Variants in NUP98 observed in about 807,000 individuals in gnomAD.
The protein encoded by NUP98 is nucleoporin 98 and 96 precursor, also known as nuclear pore complex protein Nup98-Nup96.
NUP98 carries 26 observed loss-of-function variants against 191.9 expected under a neutral mutation model. The ratio of observed to expected loss-of-function variants is 0.14; its 90% CI spans 0.10 to 0.19. The LOEUF is 0.19. Among genes scored for constraint, NUP98 ranks in the 10% least tolerant of loss-of-function variants. The pLI is 1.00. For synonymous variants in NUP98, 808 were observed against 778.4 expected (o/e 1.04, Z -0.63); for missense variants, 1,941 against 2,178.8 (o/e 0.89, Z 2.17).
intron 20 of NUP98, chr11:3,712,096 G>A (rs2079037133): frequency 9.5e-7 from 1 of 1,052,440 alleles, no homozygotes; most frequent in African/African-American, 1.7e-5. Flanking sequence ...AAATATCAAG[G>A]TTACCCGAAG....
chr11:3,725,680 T>C (rs932569712), intron 14 of NUP98, among the ~76,000 whole-genome samples: 26 of 152,266 alleles, frequency 1.7e-4, no homozygotes, highest in African/African-American at 6.3e-4. Flanking sequence ...TAAAAAGTTT[T>C]TTCTTTTTAC....
intron 14 of NUP98, among the ~76,000 whole-genome samples, chr11:3,730,643 T>A (rs551343103): frequency 1.3e-5 from 2 of 152,096 alleles, no homozygotes; most frequent in East Asian, 3.9e-4. Flanking sequence ...GGATTACAGG[T>A]GTGAGCCACC....
chr11:3,755,017 T>C (rs2080910557), intron 10 of NUP98, among the ~76,000 whole-genome samples: 1 of 152,056 alleles, frequency 6.6e-6, no homozygotes, highest in Non-Finnish European at 1.5e-5. Context: ...TTACTTTTCT[T>C]TTCTTCATCT....
In NUP98 at chr11:3,765,801, C is replaced by CAAAA. The variant is rs368424606; in HGVS notation, c.949-2766_949-2763dup. Among the ~76,000 whole-genome samples, 705 of 115,270 alleles carry CAAAA rather than the reference C, an allele frequency of 6.1e-3. 5 individuals are homozygous for CAAAA. The highest frequency in any genetic ancestry group is 9.1e-3 in the Admixed American group (98 of 10,714). 75.6% of individuals were successfully genotyped at this position (115,270 alleles called of 152,430 possible). Reference sequence around the variant, plus strand: ...GGGCAATTAGAACAAGACTCTGTCTCAAAAAAAAAAAAAAAAAAATTGATC... The same window carrying CAAAA: ...GGGCAATTAGAACAAGACTCTGTCTCAAAAAAAAAAAAAAAAAAAAAAATTGATC... On this transcript the variant is annotated intron_variant, in intron 8 of 32. Coordinates refer to ENST00000324932, the MANE Select transcript of NUP98 (RefSeq NM_016320.5).
chr11:3,770,142 C>T (rs1423671794), intron 7 of NUP98, among the ~76,000 whole-genome samples: 1 of 151,488 alleles, frequency 6.6e-6, no homozygotes. Context: ...GTCAGGGGTT[C>T]GAGACCAGCC....
intron 10 of NUP98, among the ~76,000 whole-genome samples, chr11:3,755,298 G>GA (rs34400646): frequency 0.29 from 39,880 of 136,564 alleles, 5,470 homozygotes; most frequent in Admixed American, 0.32. Flanking sequence ...CTACTACCAC[G>GA]AAAAAAAAAA....
rs114947947 is a variant in NUP98, at chr11:3,688,090, C to A, written c.4455-1896G>T. On this transcript the variant is annotated intron_variant, in intron 28 of 32. Coordinates refer to ENST00000324932, the MANE Select transcript of NUP98 (RefSeq NM_016320.5). ...TGTGAATGGACTTAATGCCACTGAA[C>A]AGTATGCTTAAAATGGTTAAAACAG... is the stretch of plus-strand genomic sequence containing the variant. Among the ~76,000 whole-genome samples, 1,349 of 150,332 alleles carry A rather than the reference C, an allele frequency of 9.0e-3. 16 individuals carry two copies. Among genetic ancestry groups the A allele is most frequent in the African/African-American group, 0.032 (1,296 of 40,912 alleles).
At chr11:3,689,302 A>G (rs892228211) in intron 28 of NUP98, among the ~76,000 whole-genome samples, 1 of 152,086 alleles carries the variant, frequency 6.6e-6, no homozygotes, top group African/African-American at 2.4e-5. Flanking sequence ...TGAGGTGGGC[A>G]GATCACGAGG....
At chr11:3,718,723 A>AG (rs1373001632) in intron 18 of NUP98, among the ~76,000 whole-genome samples, 13 of 151,756 alleles carry the variant, frequency 8.6e-5, no homozygotes, top group Non-Finnish European at 3.0e-5. Context: ...ATTAGAAGCT[A>AG]GGATCTCACA....
chr11:3,729,266 G>A (rs141816270), intron 14 of NUP98, among the ~76,000 whole-genome samples: 5 of 152,048 alleles, frequency 3.3e-5, no homozygotes, highest in African/African-American at 7.2e-5. Context: ...ATTTACAGAC[G>A]GTGGAATGAA....
At chr11:3,722,303 A>G (rs1278922808) in intron 16 of NUP98, among the ~76,000 whole-genome samples, 13 of 151,704 alleles carry the variant, frequency 8.6e-5, no homozygotes, top group East Asian at 1.9e-4. Context: ...TATTGTAGAT[A>G]TCAGGTCTTG....
At chr11:3,743,646 CAAAAAAAAAAA>C (rs34382341) in intron 12 of NUP98, among the ~76,000 whole-genome samples, 1 of 49,422 alleles carries the variant, frequency 2.0e-5, no homozygotes, top group Non-Finnish European at 4.3e-5. Flanking sequence ...AACTCCATCT[CAAAAAAAAAAA>C]AAAAAAAAAG....
At chr11:3,753,052 C>T in intron 11 of NUP98, among the ~76,000 whole-genome samples, 1 of 152,186 alleles carries the variant, frequency 6.6e-6, no homozygotes, top group East Asian at 1.9e-4. Context: ...ACAATTCTCA[C>T]ATTAAATACT....
chr11:3,758,720 G>A (rs993411848), intron 10 of NUP98, among the ~76,000 whole-genome samples: 41 of 152,274 alleles, frequency 2.7e-4, no homozygotes, highest in African/African-American at 9.9e-4. Context: ...GGGAGGTGGA[G>A]GTTGCAGTGA....
chr11:3,763,133 C>T (rs2081230030), intron 8 of NUP98, 94 bp from the exon 9 acceptor site: 4 of 1,167,660 alleles, frequency 3.4e-6, no homozygotes, highest in East Asian at 2.4e-5. Context: ...TTTTTTCAAG[C>T]TTATATGACA....
At chr11:3,760,943 T>C (rs2081144070) in intron 9 of NUP98, among the ~76,000 whole-genome samples, 1 of 152,204 alleles carries the variant, frequency 6.6e-6, no homozygotes, top group Admixed American at 6.5e-5. Flanking sequence ...AAATATCTTT[T>C]TACCTGTTAA....
At chr11:3,726,483 T>A (rs1171143460) in intron 14 of NUP98, among the ~76,000 whole-genome samples, 1 of 150,148 alleles carries the variant, frequency 6.7e-6, no homozygotes, top group Admixed American at 6.6e-5. Context: ...AAGTCAATGT[T>A]GGGAATGAAA....
chr11:3,789,448 G>C (rs1398990686), intron 1 of NUP98, among the ~76,000 whole-genome samples: 1 of 146,010 alleles, frequency 6.8e-6, no homozygotes, highest in Non-Finnish European at 1.5e-5. Context: ...TCACATCTCT[G>C]TCTTTATTCC....
At position 3,775,873 on chromosome 11, in the gene NUP98, A is replaced by T; in HGVS notation, c.495+9T>A. ...AAACATTCCACAAAGATTGGAAGAA[A>T]ATACATACGTTAAATTTAATAGTAG... On this transcript the variant is annotated intron_variant, in intron 5 of 32. Coordinates refer to ENST00000324932, the MANE Select transcript of NUP98 (RefSeq NM_016320.5). 6.2e-7 allele frequency: 1 copy of T among 1,605,238 alleles called. No individual in the cohort carries two copies. The highest frequency in any genetic ancestry group is 8.5e-7 in the Non-Finnish European group (1 of 1,177,540).
Sources: gnomAD v4.1 joint callset for allele counts (sites outside exome capture counted in the v4.1 genomes callset) on GRCh38, gnomAD v4.1.1 for gene constraint, MANE v1.5 for transcripts, NCBI Gene and HGNC (gene_info 2026-07-23, HGNC 2026-07-21) for gene names.